The following GPR176 variants were observed in gnomAD, a reference collection of about 807,000 sequenced individuals.
The protein encoded by GPR176 is G protein-coupled receptor 176, also known as G-protein coupled receptor 176.
A neutral mutation model predicts 35.4 loss-of-function variants in GPR176; 26 were observed. That is an observed-to-expected ratio of 0.74 (90% CI 0.54 to 1.02). GPR176 has a LOEUF of 1.02. Among genes scored for constraint, GPR176 ranks in the 50% least tolerant of loss-of-function variants. The probability of loss-of-function intolerance (pLI) is 0.00; values close to 1 mark genes in which losing one functional copy is unlikely to be tolerated. For missense variants in GPR176, 597 were observed against 665.3 expected (o/e 0.90, Z 1.13); for synonymous variants, 278 against 271.3 (o/e 1.02, Z -0.24).
chr15:39,801,064 C>A lies in GPR176; in HGVS notation c.*68G>T, dbSNP rs1566931783. On this transcript the variant is annotated 3_prime_UTR_variant, in exon 3 of 3. Transcript: ENST00000561100. ...CAAGGAGATCATACAATCACATGGC[C>A]ACAGCATTCCCACACTCTGGTGGGA... 2 of 1,348,684 alleles carry A rather than the reference C, an allele frequency of 1.5e-6. No individual in the cohort carries two copies. The highest frequency in any genetic ancestry group is 2.0e-6 in the Non-Finnish European group (2 of 975,930). 83.5% of individuals were successfully genotyped at this position (1,348,684 alleles called of 1,614,324 possible). A position where few individuals can be genotyped will look rare whatever the true frequency, so the allele number is the denominator to read the frequency against.
chr15:39,811,494 T>C (rs964699430), intron 1 of GPR176, among the ~76,000 whole-genome samples: 1 of 152,222 alleles, frequency 6.6e-6, no homozygotes, highest in Non-Finnish European at 1.5e-5. Context: ...CAGAAGTGTT[T>C]CAAATTTCAA....
intron 1 of GPR176, among the ~76,000 whole-genome samples, chr15:39,896,462 G>C (rs376202485): frequency 3.7e-4 from 57 of 152,232 alleles, no homozygotes; most frequent in African/African-American, 1.3e-3. Context: ...TTACATAATT[G>C]AATCTCATAT....
intron 1 of GPR176, among the ~76,000 whole-genome samples, chr15:39,830,323 G>A (rs1228461546): frequency 2.6e-5 from 4 of 152,192 alleles, no homozygotes; most frequent in Non-Finnish European, 5.9e-5. Flanking sequence ...ATCTCAAGGA[G>A]TTGACAAACG....
chr15:39,869,364 T>C (rs531629180), intron 1 of GPR176, among the ~76,000 whole-genome samples: 1 of 152,278 alleles, frequency 6.6e-6, no homozygotes, highest in South Asian at 2.1e-4. Flanking sequence ...GACACAGCAG[T>C]TGAAGCCACA....
At chr15:39,857,971 C>CAA (rs551565660) in intron 1 of GPR176, among the ~76,000 whole-genome samples, 1,864 of 77,318 alleles carry the variant, frequency 0.024, 13 homozygotes, top group African/African-American at 0.045. Context: ...ACTCCTTCTC[C>CAA]AAAAAAAAAA....
chr15:39,850,489 T>C (rs1245126754), intron 1 of GPR176, among the ~76,000 whole-genome samples: 1 of 152,202 alleles, frequency 6.6e-6, no homozygotes, highest in Non-Finnish European at 1.5e-5. Context: ...ATTCTAACCA[T>C]ATAACATTCT....
chr15:39,919,782 G>T, intron 1 of GPR176, 73 bp downstream of exon 1: 1 of 1,217,228 alleles, frequency 8.2e-7, no homozygotes, highest in Non-Finnish European at 1.1e-6. Flanking sequence ...GCGGCTGGGC[G>T]GCCCTGCTCC....
At chr15:39,825,090 C>T (rs575080434) in intron 1 of GPR176, among the ~76,000 whole-genome samples, 7 of 152,160 alleles carry the variant, frequency 4.6e-5, no homozygotes, top group African/African-American at 1.7e-4. Flanking sequence ...GCCTATAGTC[C>T]CAGCTACTTG....
chr15:39,893,984 T>C (rs867362846), intron 1 of GPR176, among the ~76,000 whole-genome samples: 40 of 46,960 alleles, frequency 8.5e-4, no homozygotes, highest in East Asian at 4.9e-3. Flanking sequence ...CCCTCCCGGA[T>C]GGGGCGGCTG....
chr15:39,819,421 T>C (rs1900122524), intron 1 of GPR176, among the ~76,000 whole-genome samples: 1 of 152,242 alleles, frequency 6.6e-6, no homozygotes, highest in Non-Finnish European at 1.5e-5. Flanking sequence ...GCACCAGACA[T>C]GGTTTTATAT....
intron 1 of GPR176, among the ~76,000 whole-genome samples, chr15:39,886,497 T>C (rs2032680413): frequency 6.6e-6 from 1 of 152,168 alleles, no homozygotes; most frequent in African/African-American, 2.4e-5. Context: ...ATCTGTGTTG[T>C]TTTTCCCTCA....
intron 1 of GPR176, among the ~76,000 whole-genome samples, chr15:39,870,120 C>T (rs1179208332): frequency 1.3e-5 from 2 of 152,140 alleles, no homozygotes; most frequent in African/African-American, 2.4e-5. Flanking sequence ...ATCCCTTCCT[C>T]GTGTCATTCC....
chr15:39,917,681 G>GT (rs1176390642), intron 1 of GPR176, among the ~76,000 whole-genome samples: 3 of 151,980 alleles, frequency 2.0e-5, no homozygotes, highest in Admixed American at 1.3e-4. Context: ...ATATTTATGG[G>GT]TTTTTTTCTG....
chr15:39,873,692 GACCA>G (rs1326794176), intron 1 of GPR176, among the ~76,000 whole-genome samples: 2 of 150,186 alleles, frequency 1.3e-5, no homozygotes, highest in Non-Finnish European at 3.0e-5. Context: ...CTTCCTAGTA[GACCA>G]ACCAAGTGGG....
chr15:39,871,530 G>T (rs1394417454), intron 1 of GPR176, among the ~76,000 whole-genome samples: 2 of 152,162 alleles, frequency 1.3e-5, no homozygotes, highest in Non-Finnish European at 2.9e-5. Flanking sequence ...CCTCAGGGCA[G>T]GATTCACTGC....
At chr15:39,886,063 G>A (rs369467212) in intron 1 of GPR176, among the ~76,000 whole-genome samples, 27 of 152,110 alleles carry the variant, frequency 1.8e-4, no homozygotes, top group African/African-American at 5.8e-4. Flanking sequence ...GAGAAACCTC[G>A]TCTCTAATAA....
At chr15:39,874,274 T>A (rs1465634450) in intron 1 of GPR176, among the ~76,000 whole-genome samples, 1 of 152,156 alleles carries the variant, frequency 6.6e-6, no homozygotes, top group Non-Finnish European at 1.5e-5. Flanking sequence ...TGACAACCCC[T>A]CAGGGGTTAT....
chr15:39,807,204 G>T lies in GPR176; in HGVS notation c.227C>A (p.Thr76Asn), dbSNP rs767682955. 6.2e-7 allele frequency: 1 copy of T among 1,613,140 alleles called. No individual in the cohort carries two copies. The change falls in exon 2 of 3, where the codon ACC (threonine) becomes AAC (asparagine). Residue 76 changes from threonine (T) to asparagine (N), a missense_variant. By Grantham distance (65) the Thr-to-Asn change is moderately conservative. Transcript: ENST00000561100. ...GGCCAGGTTTTTAATGAACCTGTTG[G>T]TGACAGATTTGAACACGGTTGTGCG... ...TCRTTVFKSV[T>N]NRFIKNLACS...
intron 1 of GPR176, among the ~76,000 whole-genome samples, chr15:39,908,961 G>A (rs899746051): frequency 2.6e-5 from 4 of 152,172 alleles, no homozygotes; most frequent in Non-Finnish European, 4.4e-5. Context: ...ACAGAGTACT[G>A]TGAGGGGAAG....
Sources: allele counts gnomAD v4.1 joint callset (sites outside exome capture counted in the v4.1 genomes callset), GRCh38; gene constraint gnomAD v4.1.1; transcripts MANE v1.5; gene names NCBI Gene and HGNC (gene_info 2026-07-23, HGNC 2026-07-21).